AFF3: variants seen among roughly 807,000 people sequenced by gnomAD.
AFF3 encodes ALF transcription elongation factor 3.
Under a neutral mutation model 129.7 loss-of-function variants are expected in AFF3, and 32 were observed. The ratio of observed to expected loss-of-function variants is 0.25; its 90% CI spans 0.19 to 0.33. AFF3 has a LOEUF of 0.33. AFF3 is among the 10% of genes least tolerant of loss of function. The pLI is 1.00. For missense variants in AFF3, 1,373 were observed against 1,592.0 expected (o/e 0.86, Z 2.34); for synonymous variants, 644 against 635.4 (o/e 1.01, Z -0.20).
intron 13 of AFF3, chr2:99,630,807 A>T: frequency 4.5e-6 from 1 of 220,632 alleles, no homozygotes; most frequent in Non-Finnish European, 1.0e-5. Flanking sequence ...CCATAATCCA[A>T]TCACCTCCCA....
chr2:99,772,212 C>A (rs558320747), intron 8 of AFF3, among the ~76,000 whole-genome samples: 14 of 152,122 alleles, frequency 9.2e-5, no homozygotes, highest in Admixed American at 2.6e-4. Flanking sequence ...GAGCCCCGGG[C>A]GAGGTGGCAG....
chr2:99,945,201 A>T (rs562593511), intron 7 of AFF3, among the ~76,000 whole-genome samples: 2 of 152,220 alleles, frequency 1.3e-5, no homozygotes, highest in East Asian at 1.9e-4. Context: ...GGTTGTGGGA[A>T]GACCACGTTA....
chr2:99,952,139 C>G (rs1676229306), intron 7 of AFF3, among the ~76,000 whole-genome samples: 1 of 152,124 alleles, frequency 6.6e-6, no homozygotes, highest in African/African-American at 2.4e-5. Flanking sequence ...GGAGGTGGGG[C>G]CTGATGGGAG....
intron 4 of AFF3, among the ~76,000 whole-genome samples, chr2:100,081,293 G>A (rs1022148613): frequency 8.6e-5 from 13 of 151,710 alleles, no homozygotes; most frequent in Non-Finnish European, 1.8e-4. Flanking sequence ...TGATACAGAG[G>A]CCCATTTTCT....
At chr2:99,993,085 G>A (rs1315446186) in intron 7 of AFF3, among the ~76,000 whole-genome samples, 1 of 152,212 alleles carries the variant, frequency 6.6e-6, no homozygotes, top group Non-Finnish European at 1.5e-5. Context: ...AGGTGGCAGA[G>A]CAACAGAATA....
intron 13 of AFF3, among the ~76,000 whole-genome samples, chr2:99,616,372 T>C (rs781597420): frequency 6.6e-6 from 1 of 152,116 alleles, no homozygotes; most frequent in Non-Finnish European, 1.5e-5. Flanking sequence ...TTTATTAAGA[T>C]AAAATTTACA....
intron 7 of AFF3, among the ~76,000 whole-genome samples, chr2:99,944,087 G>T (rs1183934908): frequency 6.6e-6 from 1 of 152,056 alleles, no homozygotes; most frequent in African/African-American, 2.4e-5. Flanking sequence ...TTTTTGTAGA[G>T]AAAGGGTCTC....
intron 7 of AFF3, among the ~76,000 whole-genome samples, chr2:99,868,809 T>C (rs2105950678): frequency 6.6e-6 from 1 of 152,292 alleles, no homozygotes; most frequent in South Asian, 2.1e-4. Flanking sequence ...TTTTCTGTTT[T>C]AGAGATAGGG....
At chr2:99,960,206 T>C (rs1313052471) in intron 7 of AFF3, among the ~76,000 whole-genome samples, 1 of 152,194 alleles carries the variant, frequency 6.6e-6, no homozygotes, top group East Asian at 1.9e-4. Context: ...TGTGAAAATG[T>C]ATCTTTTAAA....
chr2:99,639,802 C>T (rs1459076432), intron 13 of AFF3, among the ~76,000 whole-genome samples: 2 of 151,652 alleles, frequency 1.3e-5, no homozygotes, highest in Admixed American at 6.6e-5. Flanking sequence ...ATTCTCCTGC[C>T]TCAGCCTCTC....
intron 4 of AFF3, among the ~76,000 whole-genome samples, chr2:100,020,273 G>A (rs1683480050): frequency 6.6e-6 from 1 of 151,866 alleles, no homozygotes; most frequent in Non-Finnish European, 1.5e-5. Context: ...TCTCCCTCTT[G>A]TCTCTTTGGC....
chr2:99,799,798 A>G (rs546899046), intron 8 of AFF3, among the ~76,000 whole-genome samples: 3 of 152,300 alleles, frequency 2.0e-5, no homozygotes, highest in East Asian at 3.9e-4. Context: ...AATACACCAC[A>G]TATCTACAAA....
chr2:100,123,968 AG>A (rs72238573), intron 2 of AFF3, among the ~76,000 whole-genome samples: 24,547 of 152,180 alleles, frequency 0.16, 2,341 homozygotes, highest in African/African-American at 0.24. Flanking sequence ...TTAATATGCC[AG>A]GGGGATTTGG....
chr2:100,039,653 T>C (rs1372119414), intron 4 of AFF3, among the ~76,000 whole-genome samples: 1 of 152,170 alleles, frequency 6.6e-6, no homozygotes, highest in Non-Finnish European at 1.5e-5. Flanking sequence ...TCCATATTCT[T>C]GATGTCCGGG....
chr2:99,625,186 C>T (rs1247320894), intron 13 of AFF3, among the ~76,000 whole-genome samples: 1 of 152,170 alleles, frequency 6.6e-6, no homozygotes, highest in African/African-American at 2.4e-5. Context: ...TATGCAATTT[C>T]CAAGAAAGAT....
intron 12 of AFF3, among the ~76,000 whole-genome samples, chr2:99,663,565 T>G (rs528926175): frequency 6.6e-6 from 1 of 152,374 alleles, no homozygotes; most frequent in Non-Finnish European, 1.5e-5. Context: ...AGGCAGCTTT[T>G]CATTGTGCAA....
chr2:99,695,240 G>A (rs552575946), intron 11 of AFF3, among the ~76,000 whole-genome samples: 160 of 152,314 alleles, frequency 1.1e-3, no homozygotes, highest in African/African-American at 3.7e-3. Context: ...GCGTGTGCCT[G>A]GTAGTTCCTG....
At position 99,585,976 on chromosome 2, in the gene AFF3, G is replaced by A. The variant is rs909764353; in HGVS notation, c.2591+1178C>T. ...GAACTCCTGACCTTGTGATCCGCCC[G>A]CCTCAGCCTCCCAAAGTGCTGGGAT... On this transcript the variant is annotated intron_variant, in intron 16 of 24. Transcript: ENST00000672756. Among the ~76,000 whole-genome samples the A allele has an allele frequency of 8.5e-5, 13 of 152,220 alleles. No individual in the cohort carries two copies. The South Asian group carries it at 1.5e-3, about 17-fold the overall frequency.
intron 8 of AFF3, among the ~76,000 whole-genome samples, chr2:99,808,029 C>A (rs1193701220): frequency 6.7e-6 from 1 of 149,426 alleles, no homozygotes; most frequent in Non-Finnish European, 1.5e-5. Context: ...GGTAGGAATC[C>A]CTCCCTCGCC....
Sources: gnomAD v4.1 joint callset for allele counts (sites outside exome capture counted in the v4.1 genomes callset) on GRCh38, gnomAD v4.1.1 for gene constraint, MANE v1.5 for transcripts, NCBI Gene and HGNC (gene_info 2026-07-23, HGNC 2026-07-21) for gene names.